The following PDE11A variants were observed in gnomAD, a reference collection of about 807,000 sequenced individuals.
PDE11A encodes dual 3',5'-cyclic-AMP and -GMP phosphodiesterase 11A.
Under a neutral mutation model 100.5 loss-of-function variants are expected in PDE11A, and 100 were observed. That is an observed-to-expected ratio of 1.00 (90% CI 0.85 to 1.18). The LOEUF (loss-of-function observed/expected upper bound fraction) is 1.18, where lower values mean the gene tolerates loss of function less well. Ranked by LOEUF, PDE11A falls within the 50% of genes most tolerant of loss-of-function variation. PDE11A has a pLI of 0.00. For missense variants in PDE11A, 1,141 were observed against 1,152.6 expected, an observed-to-expected ratio of 0.99 and a Z score of 0.15; for synonymous variants, 381 against 420.8, an observed-to-expected ratio of 0.91 and a Z score of 1.16.
chr2:177,825,704 T>C (rs2083217487), intron 6 of PDE11A, among the ~76,000 whole-genome samples: 1 of 152,178 alleles, frequency 6.6e-6, no homozygotes, highest in Admixed American at 6.5e-5. Context: ...GTTCACCAGA[T>C]AACCCCAACT....
chr2:177,850,107 A>T (rs2105645548), intron 5 of PDE11A, among the ~76,000 whole-genome samples: 2 of 152,338 alleles, frequency 1.3e-5, no homozygotes, highest in East Asian at 3.9e-4. Context: ...ACAAAGCTGG[A>T]GGCATCATGC....
chr2:177,654,400 A>G lies in PDE11A; in HGVS notation c.2646+9466T>C, dbSNP rs533828586. On this transcript the variant is annotated intron_variant, in intron 19 of 19. Transcript: ENST00000286063. ...GTCAGGTGTGGTGGCGTGTGCCTAT[A>G]GTCCCAGCTACTCAGGAGGCTGAGG... Among the ~76,000 whole-genome samples, 284 of 152,222 alleles carry G rather than the reference A, an allele frequency of 1.9e-3. 1 individual carries two copies. Among genetic ancestry groups the G allele is most frequent in the African/African-American group, 6.6e-3 (272 of 41,524 alleles).
Position 177,785,533 on chromosome 2 carries a change from T to C in PDE11A, c.1738-16160A>G, listed in dbSNP as rs77232665. 1.2e-3 allele frequency among the ~76,000 whole-genome samples: 181 copies of C among 145,430 alleles called. 1 individual carries two copies. The highest frequency in any genetic ancestry group is 4.4e-3 in the African/African-American group (172 of 39,256). ...TCACTAGGGAGTGCCAGACAGTGGG[T>C]GCAGGACAGTAGGTGCAGTGCACCA... On this transcript the variant is annotated intron_variant, in intron 9 of 19. Coordinates refer to ENST00000286063, the MANE Select transcript of PDE11A (RefSeq NM_016953.4).
intron 10 of PDE11A, among the ~76,000 whole-genome samples, chr2:177,756,645 G>A (rs1012123565): frequency 1.3e-5 from 2 of 152,182 alleles, no homozygotes; most frequent in African/African-American, 4.8e-5. Context: ...TATAGTATGT[G>A]TTAGGAAAAT....
intron 1 of PDE11A, among the ~76,000 whole-genome samples, chr2:178,038,666 C>A (rs562493688): frequency 3.3e-5 from 5 of 152,182 alleles, no homozygotes; most frequent in African/African-American, 1.2e-4. Flanking sequence ...CACCCCAGAA[C>A]ATTTGCATGG....
At chr2:177,874,984 G>A (rs77094026) in intron 5 of PDE11A, among the ~76,000 whole-genome samples, 15,361 of 152,146 alleles carry the variant, frequency 0.1, 965 homozygotes, top group African/African-American at 0.18. Context: ...AGCACTTTGG[G>A]AGGCCAAGAC....
chr2:178,007,709 T>C (rs1224573797), intron 2 of PDE11A, among the ~76,000 whole-genome samples: 2 of 152,094 alleles, frequency 1.3e-5, no homozygotes, highest in African/African-American at 4.8e-5. Context: ...TATTTATTTA[T>C]TTATTTATTT....
intron 9 of PDE11A, among the ~76,000 whole-genome samples, chr2:177,798,200 G>A (rs1242980327): frequency 1.3e-5 from 2 of 152,152 alleles, no homozygotes; most frequent in African/African-American, 4.8e-5. Context: ...CTCTGAAATT[G>A]CCTTCTATGC....
chr2:177,949,516 GGGAATTCAGAGCTTCTCCAGCCT>G (rs1166310231), intron 2 of PDE11A, among the ~76,000 whole-genome samples: 1 of 152,100 alleles, frequency 6.6e-6, no homozygotes, highest in African/African-American at 2.4e-5. Context: ...TTGAGCCAGG[GGGAATTCAGAGCTTCTCCAGCCT>G]GCTTCCTGCT....
rs1043851500 is a variant in PDE11A, at chr2:177,628,097, A to G, written c.*1310T>C. 2 of 152,394 alleles carry G rather than the reference A, an allele frequency of 1.3e-5. No homozygotes were observed. Among genetic ancestry groups the G allele is most frequent in the Non-Finnish European group, 2.9e-5 (2 of 68,036 alleles). The allele number at this position is 152,394 out of a possible 1,614,324, so 9.4% of individuals were successfully genotyped here. A position where few individuals can be genotyped will look rare whatever the true frequency, so the allele number is the denominator to read the frequency against. On this transcript the variant is annotated 3_prime_UTR_variant, in exon 20 of 20. Coordinates refer to ENST00000286063, the MANE Select transcript of PDE11A (RefSeq NM_016953.4). ...TTGACGTTTTATATGTTGGGGATTC[A>G]TTGAAAGATTTATTTGAACAAAGAG... is the stretch of plus-strand genomic sequence containing the variant.
intron 5 of PDE11A, among the ~76,000 whole-genome samples, chr2:177,851,913 C>G (rs1467871357): frequency 6.6e-6 from 1 of 152,044 alleles, no homozygotes; most frequent in Non-Finnish European, 1.5e-5. Flanking sequence ...CCTCCACCCT[C>G]CAGTAGGCCC....
intron 2 of PDE11A, among the ~76,000 whole-genome samples, chr2:177,970,465 T>C (rs766184298): frequency 6.6e-6 from 1 of 151,998 alleles, no homozygotes; most frequent in Non-Finnish European, 1.5e-5. Flanking sequence ...TAAAGGATGA[T>C]GCCAATGCCT....
chr2:178,005,517 C>G (rs993886908), intron 2 of PDE11A, among the ~76,000 whole-genome samples: 1 of 152,062 alleles, frequency 6.6e-6, no homozygotes, highest in Non-Finnish European at 1.5e-5. Flanking sequence ...CTTGGAATTA[C>G]ATTATATACT....
chr2:177,697,520 G>T, intron 14 of PDE11A, 88 bp from the exon 15 acceptor site: 1 of 736,366 alleles, frequency 1.4e-6, no homozygotes. Context: ...AAAAGTCTGG[G>T]AACATTAAAA....
At chr2:178,068,093 T>C (rs2087072612) in intron 1 of PDE11A, among the ~76,000 whole-genome samples, 1 of 152,206 alleles carries the variant, frequency 6.6e-6, no homozygotes, top group Non-Finnish European at 1.5e-5. Context: ...CACCTGTTAC[T>C]TGAATGCTCT....
intron 19 of PDE11A, among the ~76,000 whole-genome samples, chr2:177,657,690 G>T (rs1350176242): frequency 6.6e-6 from 1 of 151,892 alleles, no homozygotes; most frequent in Non-Finnish European, 1.5e-5. Context: ...GCAGAAAGAG[G>T]CGGGTGAGAG....
chr2:177,924,893 C>A (rs967162544), intron 2 of PDE11A, among the ~76,000 whole-genome samples: 2 of 144,558 alleles, frequency 1.4e-5, no homozygotes. Context: ...CCCTACCCCA[C>A]CACAGTCCCC....
chr2:177,741,899 G>A (rs1277445199), intron 10 of PDE11A, among the ~76,000 whole-genome samples: 1 of 152,300 alleles, frequency 6.6e-6, no homozygotes, highest in African/African-American at 2.4e-5. Context: ...GGGCACAGTG[G>A]TGCACGCCTG....
intron 19 of PDE11A, among the ~76,000 whole-genome samples, chr2:177,637,309 C>T (rs2080054984): frequency 6.6e-6 from 1 of 152,080 alleles, no homozygotes; most frequent in Non-Finnish European, 1.5e-5. Flanking sequence ...TAAAAAATTC[C>T]TTCCCTAGAG....
Sources: allele counts gnomAD v4.1 joint callset (sites outside exome capture counted in the v4.1 genomes callset), GRCh38; gene constraint gnomAD v4.1.1; transcripts MANE v1.5; gene names NCBI Gene and HGNC (gene_info 2026-07-23, HGNC 2026-07-21).